Variants in NSUN6 observed in about 807,000 individuals in gnomAD.
The protein encoded by NSUN6 is tRNA (cytosine(72)-C(5))-methyltransferase NSUN6.
In NSUN6, 64 loss-of-function variants were observed where a neutral mutation model predicts 58.0. The ratio of observed to expected loss-of-function variants is 1.10; its 90% confidence interval spans 0.90 to 1.36. The LOEUF is 1.36. Ranked by LOEUF, NSUN6 falls within the 40% of genes most tolerant of loss-of-function variation. NSUN6 has a pLI of 0.00. For missense variants in NSUN6, 701 were observed against 550.1 expected (o/e 1.27, Z -2.74); for synonymous variants, 231 against 193.9 (o/e 1.19, Z -1.59).
chr10:18,548,296 A>C, intron 9 of NSUN6, 59 bp from the exon 10 acceptor site: 1 of 1,442,628 alleles, frequency 6.9e-7, no homozygotes, highest in Non-Finnish European at 9.5e-7. Context: ...ATATGAATGA[A>C]TTTCAAAGCA....
rs1413266471 is a variant in NSUN6 at position 18,648,429 on chromosome 10, G to A, written c.231+61C>T. ...ATTATATCATTCATAGGATTTTAAT[G>A]GAAAACATGGTAGATTGCAAAAATG... is the stretch of plus-strand genomic sequence containing the variant. On this transcript the variant is annotated intron_variant, in intron 2 of 10. Transcript: ENST00000377304. 6.5e-6 allele frequency: 7 copies of A among 1,081,472 alleles called. No individual in the cohort carries two copies. In the East Asian group the frequency reaches 1.2e-4, roughly 18 times the overall value. 67.0% of individuals were successfully genotyped at this position (1,081,472 alleles called of 1,614,324 possible). A position where few individuals can be genotyped will look rare whatever the true frequency, so the allele number is the denominator to read the frequency against.
At chr10:18,646,124 G>A (rs2059539209) in intron 2 of NSUN6, among the ~76,000 whole-genome samples, 1 of 152,070 alleles carries the variant, frequency 6.6e-6, no homozygotes, top group South Asian at 2.1e-4. Flanking sequence ...GAACCTGGGA[G>A]GCAGAGGTTG....
intron 6 of NSUN6, among the ~76,000 whole-genome samples, chr10:18,601,574 G>A (rs1020192970): frequency 3.3e-5 from 5 of 152,080 alleles, no homozygotes; most frequent in African/African-American, 1.2e-4. Context: ...GCAGGAAACA[G>A]GGCACTAGAG....
At chr10:18,571,038 T>C (rs1278795095) in intron 8 of NSUN6, among the ~76,000 whole-genome samples, 1 of 149,992 alleles carries the variant, frequency 6.7e-6, no homozygotes, top group African/African-American at 2.4e-5. Context: ...CATTCTCTAC[T>C]TTCCATTCCA....
chr10:18,635,159 C>G lies in NSUN6; in HGVS notation c.311+7317G>C, dbSNP rs539540029. Among the ~76,000 whole-genome samples the G allele has an allele frequency of 2.0e-4, 31 of 152,296 alleles. No homozygotes were observed. In the South Asian group the frequency reaches 3.7e-3, roughly 18 times the overall value. On this transcript the variant is annotated intron_variant, in intron 3 of 10. Transcript: ENST00000377304. Reference sequence around the variant, plus strand: ...ACCAAGCCTCTGATGAGCTTTTCTTCTAGACAACTATTTTACATGTCACAA... The same window carrying G: ...ACCAAGCCTCTGATGAGCTTTTCTTGTAGACAACTATTTTACATGTCACAA...
intron 3 of NSUN6, among the ~76,000 whole-genome samples, chr10:18,632,774 G>A (rs1590147280): frequency 3.3e-5 from 5 of 152,300 alleles, no homozygotes; most frequent in South Asian, 4.1e-4. Flanking sequence ...TGGAGAGGAT[G>A]TGGAGAAATA....
chr10:18,573,264 T>C (rs773841258), intron 8 of NSUN6, among the ~76,000 whole-genome samples: 10 of 151,182 alleles, frequency 6.6e-5, no homozygotes, highest in Non-Finnish European at 1.3e-4. Flanking sequence ...CCATTGTCCA[T>C]TGCATTCCAT....
Position 18,578,320 on chromosome 10 carries a change from G to A in NSUN6, c.922+7629C>T, listed in dbSNP as rs141550616. Reference sequence around the variant, plus strand: ...ACCATCTCGGCTCACTGCAACCCCCGCCTCCTGGGTTCAAGCGATTCTGCT... The same window carrying A: ...ACCATCTCGGCTCACTGCAACCCCCACCTCCTGGGTTCAAGCGATTCTGCT... On this transcript the variant is annotated intron_variant, in intron 8 of 10. Coordinates refer to ENST00000377304, the MANE Select transcript of NSUN6 (RefSeq NM_182543.5). Among the ~76,000 whole-genome samples the A allele has an allele frequency of 8.6e-3, 1,201 of 139,888 alleles. 13 individuals carry two copies. Among genetic ancestry groups the A allele is most frequent in the South Asian group, 0.036 (155 of 4,304 alleles). The allele number at this position is 139,888 out of a possible 152,430, so 91.8% of individuals were successfully genotyped here. A position where few individuals can be genotyped will look rare whatever the true frequency, so the allele number is the denominator to read the frequency against.
chr10:18,593,911 C>T (rs1332161182), intron 7 of NSUN6, among the ~76,000 whole-genome samples: 1 of 150,542 alleles, frequency 6.6e-6, no homozygotes, highest in African/African-American at 2.4e-5. Context: ...TTTAAGAATG[C>T]ATCGTGGGCC....
At chr10:18,574,720 G>A (rs572411715) in intron 8 of NSUN6, among the ~76,000 whole-genome samples, 1 of 152,228 alleles carries the variant, frequency 6.6e-6, no homozygotes, top group South Asian at 2.1e-4. Flanking sequence ...CCAATTCCAG[G>A]TATGCCTCTG....
intron 8 of NSUN6, among the ~76,000 whole-genome samples, chr10:18,558,735 A>T (rs2055245424): frequency 6.7e-6 from 1 of 148,746 alleles, no homozygotes; most frequent in Non-Finnish European, 1.5e-5. Flanking sequence ...AATGGAATGG[A>T]GGATGGAAAG....
chr10:18,621,831 CACAACCCTACACATACTA>C (rs1270867597), intron 3 of NSUN6, among the ~76,000 whole-genome samples: 1 of 152,130 alleles, frequency 6.6e-6, no homozygotes, highest in East Asian at 1.9e-4. Context: ...TGCACATATT[CACAACCCTACACATACTA>C]ACAACCCTAC....
rs773718605 is a variant in NSUN6, at chr10:18,545,976, A to G, written c.1367T>C (p.Ile456Thr). ...TACAAATTTTGCAATAAAAAAACCT[A>G]TAGAGTCCTTATTAGCCAGACGCAA... ...DMLRLANKDS[I>T]GFFIAKFVKC... The change falls in exon 11 of 11, where the codon ATA becomes ACA. Residue 456 changes from isoleucine to threonine, a missense_variant. Transcript: ENST00000377304. The G allele has an allele frequency of 3.2e-6, 5 of 1,584,666 alleles. No individual in the cohort carries two copies. The highest frequency in any genetic ancestry group is 4.3e-6 in the Non-Finnish European group (5 of 1,172,210).
chr10:18,578,514 G>A (rs531872546), intron 8 of NSUN6, among the ~76,000 whole-genome samples: 1 of 152,072 alleles, frequency 6.6e-6, no homozygotes, highest in African/African-American at 2.4e-5. Context: ...TCTGGCTCAG[G>A]GGAAAGGGCT....
At chr10:18,585,370 A>T (rs913835139) in intron 8 of NSUN6, among the ~76,000 whole-genome samples, 5 of 152,226 alleles carry the variant, frequency 3.3e-5, no homozygotes, top group African/African-American at 1.2e-4. Context: ...CTCTCATTTC[A>T]CTGCAGCATT....
chr10:18,632,105 T>C (rs1461474123), intron 3 of NSUN6, among the ~76,000 whole-genome samples: 115 of 151,216 alleles, frequency 7.6e-4, no homozygotes, highest in Non-Finnish European at 3.4e-4. Context: ...ATGCCGCATA[T>C]CTACAACTAT....
chr10:18,613,614 T>C (rs1465750740), intron 5 of NSUN6, among the ~76,000 whole-genome samples: 1 of 152,166 alleles, frequency 6.6e-6, no homozygotes, highest in Non-Finnish European at 1.5e-5. Flanking sequence ...ATGCACATAA[T>C]CTTTATATTC....
At chr10:18,604,151 C>T (rs1207540463) in intron 6 of NSUN6, among the ~76,000 whole-genome samples, 4 of 152,172 alleles carry the variant, frequency 2.6e-5, no homozygotes, top group African/African-American at 9.7e-5. Flanking sequence ...CGCTGCACTC[C>T]AGCCTGGGCG....
chr10:18,650,756 G>A (rs189902525), intron 1 of NSUN6, among the ~76,000 whole-genome samples: 6 of 152,342 alleles, frequency 3.9e-5, no homozygotes, highest in Non-Finnish European at 1.5e-5. Context: ...TGGCATTTAA[G>A]AGGCACTCAA....
Sources: gnomAD v4.1 joint callset for allele counts (sites outside exome capture counted in the v4.1 genomes callset) on GRCh38, gnomAD v4.1.1 for gene constraint, MANE v1.5 for transcripts, NCBI Gene and HGNC (gene_info 2026-07-23, HGNC 2026-07-21) for gene names.